Variants in MKRN2 observed in about 807,000 individuals in gnomAD.
The protein encoded by MKRN2 is makorin ring finger protein 2, also known as E3 ubiquitin-protein ligase makorin-2.
Under a neutral mutation model 45.4 loss-of-function variants are expected in MKRN2, and 32 were observed. The observed-to-expected ratio is 0.70, with a 90% CI of 0.53 to 0.95. The LOEUF (loss-of-function observed/expected upper bound fraction) is 0.95. MKRN2 is among the 40% of genes least tolerant of loss of function. The pLI is 0.00. For missense variants in MKRN2, 526 were observed against 536.7 expected, an observed-to-expected ratio of 0.98 and a Z score of 0.20; for synonymous variants, 206 against 192.4, an observed-to-expected ratio of 1.07 and a Z score of -0.59.
chr3:12,563,503 T>C (rs2125300809), intron 1 of MKRN2, among the ~76,000 whole-genome samples: 1 of 147,652 alleles, frequency 6.8e-6, no homozygotes, highest in African/African-American at 2.5e-5. Flanking sequence ...TTTTTTTTTT[T>C]TTCCTGAGAC....
chr3:12,572,044 C>T (rs2125304493), intron 3 of MKRN2, 25 bp from the exon 4 acceptor site: 2 of 1,560,446 alleles, frequency 1.3e-6, no homozygotes, highest in East Asian at 4.5e-5. Flanking sequence ...TTTTCATGTG[C>T]ATGTGTGCTG....
intron 1 of MKRN2, among the ~76,000 whole-genome samples, chr3:12,557,905 C>G (rs1251956028): frequency 6.6e-6 from 1 of 152,154 alleles, no homozygotes; most frequent in African/African-American, 2.4e-5. Flanking sequence ...TAGAAAATAG[C>G]CAGATAGCTA....
chr3:12,570,505 C>G (rs13074571), intron 3 of MKRN2, among the ~76,000 whole-genome samples: 3 of 152,280 alleles, frequency 2.0e-5, no homozygotes, highest in African/African-American at 7.2e-5. Context: ...AAAACACAAT[C>G]TTTTTGTCAA....
Position 12,574,891 on chromosome 3 carries a change from A to G in MKRN2, c.742A>G (p.Lys248Glu). 1 of 1,614,182 alleles carries G rather than the reference A, an allele frequency of 6.2e-7. No homozygotes were observed. Among genetic ancestry groups the G allele is most frequent in the South Asian group, 1.1e-5 (1 of 91,084 alleles). Reference protein sequence around the residue: ...CSICMEVILEKASASERRFGI... With the variant: ...CSICMEVILEEASASERRFGI... ...TATCTGCATGGAAGTGATCCTGGAG[A>G]AGGCCTCTGCTTCTGAGAGGAGATT... Residue 248 changes from lysine (K) to glutamate (E), a missense_variant, in exon 5 of 8, where the codon AAG becomes GAG. By Grantham distance (56) the Lys-to-Glu change is moderately conservative (BLOSUM62 1). Transcript: ENST00000170447.
intron 1 of MKRN2, among the ~76,000 whole-genome samples, chr3:12,565,691 G>A (rs563928185): frequency 2.7e-4 from 41 of 151,724 alleles, no homozygotes; most frequent in Admixed American, 3.3e-4. Flanking sequence ...GCACGCTACC[G>A]TGCCTGGCTA....
intron 1 of MKRN2, among the ~76,000 whole-genome samples, chr3:12,564,019 C>T (rs1293110962): frequency 6.6e-6 from 1 of 151,824 alleles, no homozygotes; most frequent in African/African-American, 2.4e-5. Flanking sequence ...GATCTTGGCT[C>T]ACTGCAACCT....
chr3:12,557,844 C>G (rs1367968793), intron 1 of MKRN2, among the ~76,000 whole-genome samples: 1 of 152,198 alleles, frequency 6.6e-6, no homozygotes, highest in East Asian at 1.9e-4. Flanking sequence ...ATTTATCTTA[C>G]TGAGAGAGCC....
chr3:12,557,199 C>G, intron 1 of MKRN2, 23 bp downstream of exon 1: 1 of 1,533,016 alleles, frequency 6.5e-7, no homozygotes, highest in African/African-American at 1.4e-5. Context: ...GAGCCAGGAG[C>G]TTCGGGCCGC....
At chr3:12,580,669 G>A (rs2058171600) in intron 6 of MKRN2, among the ~76,000 whole-genome samples, 1 of 152,166 alleles carries the variant, frequency 6.6e-6, no homozygotes, top group African/African-American at 2.4e-5. Flanking sequence ...GTGTTGGCCA[G>A]GCTGGTCTCA....
intron 6 of MKRN2, among the ~76,000 whole-genome samples, chr3:12,580,367 C>T (rs903199306): frequency 1.3e-5 from 2 of 152,098 alleles, no homozygotes; most frequent in Admixed American, 6.5e-5. Context: ...GAGGATGTGT[C>T]GTCCACACAC....
At position 12,582,547 on chromosome 3, in the gene MKRN2, T is replaced by C; in HGVS notation, c.*294T>C. ...CACCCAAACTGTTTGGATTGATTGC[T>C]TTAAAAAACAAACCTGGCTCTTACC... On this transcript the variant is annotated 3_prime_UTR_variant, in exon 8 of 8. Coordinates refer to ENST00000170447, the MANE Select transcript of MKRN2 (RefSeq NM_014160.5). 1 of 290,262 alleles carries C rather than the reference T, an allele frequency of 3.4e-6. No individual in the cohort carries two copies. The highest frequency in any genetic ancestry group is 6.5e-6 in the Non-Finnish European group (1 of 153,692). The allele number at this position is 290,262 out of a possible 1,614,324, so 18.0% of individuals were successfully genotyped here. A position where few individuals can be genotyped will look rare whatever the true frequency, so the allele number is the denominator to read the frequency against.
At chr3:12,564,753 C>G (rs992727361) in intron 1 of MKRN2, among the ~76,000 whole-genome samples, 1 of 152,234 alleles carries the variant, frequency 6.6e-6, no homozygotes. Context: ...CAAAAGATCC[C>G]TTGTGCCCAT....
rs1296884589 is a variant in MKRN2 at position 12,576,187 on chromosome 3, A to ATGTGTG, written c.858-443_858-442insGTGTGT. Among the ~76,000 whole-genome samples, 393 of 128,840 alleles carry ATGTGTG rather than the reference A, an allele frequency of 3.1e-3. 2 individuals are homozygous for ATGTGTG. The highest frequency in any genetic ancestry group is 0.013 in the African/African-American group (372 of 28,120). The allele number at this position is 128,840 out of a possible 152,430, so 84.5% of individuals were successfully genotyped here. On this transcript the variant is annotated intron_variant, in intron 5 of 7. Coordinates refer to ENST00000170447, the MANE Select transcript of MKRN2 (RefSeq NM_014160.5). ...CTGTCTTTTTTGTTGAGGAAACCAT[A>ATGTGTG]TATGTGTGTGTGTGTGTGTGTGTGT... is the stretch of plus-strand genomic sequence containing the variant.
At chr3:12,574,555 C>G (rs147356967) in intron 4 of MKRN2, among the ~76,000 whole-genome samples, 1 of 152,184 alleles carries the variant, frequency 6.6e-6, no homozygotes, top group East Asian at 1.9e-4. Flanking sequence ...TGGGTGGTGA[C>G]CATGTCACCT....
Position 12,582,224 on chromosome 3 carries a change from C to A in MKRN2, c.1222C>A (p.Leu408Ile). Residue 408 changes from leucine (L) to isoleucine (I), a missense_variant, in exon 8 of 8, where the codon CTT (leucine) becomes ATT (isoleucine). Transcript: ENST00000170447. The stretch of plus-strand genomic sequence containing the variant: ...AGAGCTCGGGGACCTCTTCATGCAC[C>A]TTTCTGGAGTGGAATCATCAGAACC... ...MTELGDLFMH[L>I]SGVESSEP The A allele has an allele frequency of 1.2e-6, 2 of 1,614,128 alleles. No homozygotes were observed. Among genetic ancestry groups the A allele is most frequent in the Non-Finnish European group, 1.7e-6 (2 of 1,180,024 alleles).
intron 3 of MKRN2, among the ~76,000 whole-genome samples, chr3:12,570,871 G>A (rs2058093951): frequency 7.3e-6 from 1 of 137,696 alleles, no homozygotes; most frequent in South Asian, 2.3e-4. Flanking sequence ...TGACAAGAGT[G>A]AGACTCCCTC....
intron 6 of MKRN2, among the ~76,000 whole-genome samples, chr3:12,578,920 G>A (rs1388347370): frequency 7.0e-6 from 1 of 142,414 alleles, no homozygotes; most frequent in Non-Finnish European, 1.5e-5. Context: ...GTGTCCACAA[G>A]AGGGCAAGGC....
rs1328603934 is a variant in MKRN2, at chr3:12,582,030, T to C, written c.1113+78T>C. On this transcript the variant is annotated intron_variant, in intron 7 of 7. Transcript: ENST00000170447. ...CCAGGTACCGTTCCTGGCAGAGAAA[T>C]GGGGTAGGCAAAAGAACGATCAAGG... 18 of 1,608,368 alleles carry C rather than the reference T, an allele frequency of 1.1e-5. No individual in the cohort carries two copies. The East Asian group carries it at 3.6e-4, about 32-fold the overall frequency.
Position 12,571,001 on chromosome 3 carries a change from A to G in MKRN2, c.337+749A>G, listed in dbSNP as rs147139575. On this transcript the variant is annotated intron_variant, in intron 3 of 7. Coordinates refer to ENST00000170447, the MANE Select transcript of MKRN2 (RefSeq NM_014160.5). The stretch of plus-strand genomic sequence containing the variant: ...ATGCTGACAGTGTTTGACAGTTTAG[A>G]TTGCACCTTTGGGAAAAGAATAGCA... Among the ~76,000 whole-genome samples, 208 of 152,198 alleles carry G rather than the reference A, an allele frequency of 1.4e-3. 1 individual carries two copies. Among genetic ancestry groups the G allele is most frequent in the African/African-American group, 4.8e-3 (200 of 41,552 alleles).
Sources: gnomAD v4.1 joint callset for allele counts (sites outside exome capture counted in the v4.1 genomes callset) on GRCh38, gnomAD v4.1.1 for gene constraint, MANE v1.5 for transcripts, NCBI Gene and HGNC (gene_info 2026-07-23, HGNC 2026-07-21) for gene names.